The following PCNT variants were observed in gnomAD, a reference collection of about 807,000 sequenced individuals.
PCNT encodes pericentrin, also known as kendrin.
PCNT carries 319 observed loss-of-function variants against 380.4 expected under a neutral mutation model. The ratio of observed to expected loss-of-function variants is 0.84; its 90% CI spans 0.77 to 0.92. PCNT has a LOEUF of 0.92. Among genes scored for constraint, PCNT ranks in the 40% least tolerant of loss-of-function variants. The pLI is 0.00. For synonymous variants in PCNT, 1,845 were observed against 1,735.2 expected (o/e 1.06, Z -1.57); for missense variants, 4,400 against 4,255.3 (o/e 1.03, Z -0.95).
Position 46,414,567 on chromosome 21 carries a change from C to A in PCNT, c.6151-1502C>A, listed in dbSNP as rs1485238270. 1.6e-3 allele frequency among the ~76,000 whole-genome samples: 235 copies of A among 147,244 alleles called. 2 individuals carry two copies. Among genetic ancestry groups the A allele is most frequent in the African/African-American group, 5.6e-3 (223 of 39,590 alleles). On this transcript the variant is annotated intron_variant, in intron 29 of 46. Coordinates refer to ENST00000359568, the MANE Select transcript of PCNT (RefSeq NM_006031.6). ...TCCTCCTGGACATGCAGCCGCCCACCCTCCTCCTCCTGGACACGCAGCCGC... is the reference window on the plus strand; with the variant it reads ...TCCTCCTGGACATGCAGCCGCCCACACTCCTCCTCCTGGACACGCAGCCGC...
rs183747880 is a variant in PCNT at position 46,422,194 on chromosome 21, C to T, written c.7179+70C>T. ...TCGGGGCATCCCCCAAGCCCTGTGT[C>T]CTGCCTTGCCGGGGAGAGCCTTGGA... On this transcript the variant is annotated intron_variant, in intron 32 of 46. Coordinates refer to ENST00000359568, the MANE Select transcript of PCNT (RefSeq NM_006031.6). 4.8e-4 allele frequency: 762 copies of T among 1,583,132 alleles called. 3 individuals carry two copies. In the African/African-American group the frequency reaches 9.1e-3, roughly 19 times the overall value.
At chr21:46,402,592 C>A in intron 27 of PCNT, 109 bp downstream of exon 27, 1 of 1,162,304 alleles carries the variant, frequency 8.6e-7, no homozygotes, top group Non-Finnish European at 1.3e-6. Context: ...TTCACAGACG[C>A]CCGTGGCCCC....
In PCNT at chr21:46,440,042, C is replaced by G. The variant is rs370489953; in HGVS notation, c.9274-41C>G. 5.0e-6 allele frequency: 8 copies of G among 1,613,132 alleles called. No homozygotes were observed. The East Asian group carries it at 8.9e-5, about 18-fold the overall frequency. Reference sequence around the variant, plus strand: ...TGCGTCTCTAAGATGCTCTTGTTGACGAGCAGCTCTGTAGACAGCGCTGGC... The same window carrying G: ...TGCGTCTCTAAGATGCTCTTGTTGAGGAGCAGCTCTGTAGACAGCGCTGGC... On this transcript the variant is annotated intron_variant, in intron 41 of 46. Transcript: ENST00000359568.
At chr21:46,422,208 G>C in intron 32 of PCNT, 84 bp downstream of exon 32, 1 of 1,526,578 alleles carries the variant, frequency 6.6e-7, no homozygotes, top group Non-Finnish European at 9.0e-7. Context: ...CCTTGCCGGG[G>C]AGAGCCTTGG....
intron 3 of PCNT, among the ~76,000 whole-genome samples, chr21:46,336,908 C>T (rs2083756598): frequency 6.6e-6 from 1 of 151,968 alleles, no homozygotes; most frequent in African/African-American, 2.4e-5. Flanking sequence ...TTTGCAGTTT[C>T]CTTCTCGGAT....
intron 37 of PCNT, chr21:46,431,005 C>T (rs2087739233): frequency 2.0e-6 from 2 of 985,452 alleles, no homozygotes; most frequent in Non-Finnish European, 1.2e-6. Context: ...GTGGTGGGGC[C>T]TCTGCTTTGC....
In PCNT at chr21:46,411,610, A is replaced by C. The variant is rs1306558574; in HGVS notation, c.5537A>C (p.Glu1846Ala). 2 of 1,612,802 alleles carry C rather than the reference A, an allele frequency of 1.2e-6. No individual in the cohort carries two copies. Among genetic ancestry groups the C allele is most frequent in the African/African-American group, 2.7e-5 (2 of 74,912 alleles). The change falls in exon 28 of 47, where the codon GAG (glutamate) becomes GCG (alanine). Residue 1846 changes from glutamate to alanine, a missense_variant. Coordinates refer to ENST00000359568, the MANE Select transcript of PCNT (RefSeq NM_006031.6). ...CTGGAGCGCAATGTAGCCCTCAGGG[A>C]GGCTGAGGTCGAAGACATGGCCTCC... ...AELERNVALREAEVEDMASRI... is the reference protein window; with the variant it reads ...AELERNVALRAAEVEDMASRI...
chr21:46,435,089 GTGTGTCAGC>G (rs2087911347), intron 38 of PCNT, among the ~76,000 whole-genome samples: 1 of 152,238 alleles, frequency 6.6e-6, no homozygotes, highest in South Asian at 2.1e-4. Flanking sequence ...AGGGTGTGCA[GTGTGTCAGC>G]TGTGGGTCCC....
At chr21:46,401,997 C>G (rs973833210) in intron 26 of PCNT, among the ~76,000 whole-genome samples, 2 of 152,160 alleles carry the variant, frequency 1.3e-5, no homozygotes, top group African/African-American at 4.8e-5. Flanking sequence ...ATTACAGGTG[C>G]ACCCACCGCC....
chr21:46,379,281 C>T (rs550311081), intron 15 of PCNT, among the ~76,000 whole-genome samples: 3 of 152,028 alleles, frequency 2.0e-5, no homozygotes, highest in Non-Finnish European at 2.9e-5. Context: ...GTGTCGTGAG[C>T]CGCGCCCGTC....
chr21:46,441,695 C>T (rs937730632), intron 43 of PCNT, among the ~76,000 whole-genome samples: 19 of 152,160 alleles, frequency 1.2e-4, no homozygotes, highest in African/African-American at 4.6e-4. Flanking sequence ...CCCATCTGTC[C>T]ATCCTGTGTT....
At chr21:46,374,073 C>T (rs2085251829) in intron 15 of PCNT, among the ~76,000 whole-genome samples, 1 of 152,094 alleles carries the variant, frequency 6.6e-6, no homozygotes, top group South Asian at 2.1e-4. Context: ...GCTGATTTCA[C>T]AGAAGAAAAC....
chr21:46,435,947 A>G lies in PCNT; in HGVS notation c.8795A>G (p.Lys2932Arg), dbSNP rs749838200. The change falls in exon 39 of 47, where the codon AAG becomes AGG. Residue 2932 changes from lysine (K) to arginine (R), a missense_variant. Transcript: ENST00000359568. ...LQRQRDLHKIKQLQQTVRDLE... is the reference protein window; with the variant it reads ...LQRQRDLHKIRQLQQTVRDLE... ...CGTCAGCGTGACTTGCATAAGATCA[A>G]GCAGCTTCAGCAGACAGTGAGAGAC... is the stretch of plus-strand genomic sequence containing the variant. 24 of 1,614,092 alleles carry G rather than the reference A, an allele frequency of 1.5e-5. No individual in the cohort carries two copies. In the South Asian group the frequency reaches 1.9e-4, roughly 13 times the overall value.
intron 3 of PCNT, among the ~76,000 whole-genome samples, chr21:46,339,735 CT>C (rs1399221849): frequency 5.9e-5 from 9 of 152,188 alleles, no homozygotes; most frequent in African/African-American, 2.2e-4. Context: ...TTTTAATCTC[CT>C]TTGGCAACAC....
chr21:46,395,922 A>C (rs978927143), intron 21 of PCNT, among the ~76,000 whole-genome samples: 3 of 151,342 alleles, frequency 2.0e-5, no homozygotes, highest in Admixed American at 2.0e-4. Flanking sequence ...ACTCCATCTC[A>C]GAAATAATAG....
chr21:46,401,133 T>C (rs940748434), intron 25 of PCNT, among the ~76,000 whole-genome samples: 4 of 152,274 alleles, frequency 2.6e-5, no homozygotes, highest in Non-Finnish European at 4.4e-5. Flanking sequence ...CTTGCGCATG[T>C]AACGTATTGT....
intron 38 of PCNT, among the ~76,000 whole-genome samples, chr21:46,432,614 G>A (rs1462809474): frequency 1.3e-5 from 2 of 152,162 alleles, no homozygotes; most frequent in South Asian, 2.1e-4. Context: ...ATTACAGAAT[G>A]TGTCTCTTCA....
At chr21:46,389,600 A>G (rs1448427427) in intron 19 of PCNT, among the ~76,000 whole-genome samples, 169 bp downstream of exon 19, 2 of 152,258 alleles carry the variant, frequency 1.3e-5, no homozygotes, top group African/African-American at 4.8e-5. Context: ...TACGAATGAG[A>G]GAATCTGTTT....
At position 46,397,498 on chromosome 21, in the gene PCNT, A is replaced by G; in HGVS notation, c.4446+4A>G. 6.2e-7 allele frequency: 1 copy of G among 1,608,782 alleles called. No homozygotes were observed. The highest frequency in any genetic ancestry group is 8.5e-7 in the Non-Finnish European group (1 of 1,175,384). ...CAACCAGCGGCAATTCATGGATGTAAGAATTCTGAATAATACATTTTTTTG... is the reference window on the plus strand; with the variant it reads ...CAACCAGCGGCAATTCATGGATGTAGGAATTCTGAATAATACATTTTTTTG... On this transcript the variant is annotated splice_donor_region_variant and intron_variant, in intron 22 of 46. Transcript: ENST00000359568.
Sources: gnomAD v4.1 joint callset for allele counts (sites outside exome capture counted in the v4.1 genomes callset) on GRCh38, gnomAD v4.1.1 for gene constraint, MANE v1.5 for transcripts, NCBI Gene and HGNC (gene_info 2026-07-23, HGNC 2026-07-21) for gene names.